ZDHHC23: variants seen among roughly 807,000 people sequenced by gnomAD.
The protein encoded by ZDHHC23 is zDHHC palmitoyltransferase 23, also known as palmitoyltransferase ZDHHC23.
ZDHHC23 carries 41 observed loss-of-function variants against 40.2 expected under a neutral mutation model. The observed-to-expected ratio is 1.02, with a 90% CI of 0.79 to 1.32. ZDHHC23 has a LOEUF of 1.32. ZDHHC23 is among the 40% of genes most tolerant of loss of function. ZDHHC23 has a pLI of 0.00. For missense variants in ZDHHC23, 471 were observed against 541.5 expected, an observed-to-expected ratio of 0.87 and a Z score of 1.29; for synonymous variants, 204 against 210.2, an observed-to-expected ratio of 0.97 and a Z score of 0.26.
chr3:113,971,720 G>GTT, the ZDHHC23 span, among the ~76,000 whole-genome samples: 1 of 151,106 alleles, frequency 6.6e-6, no homozygotes, highest in African/African-American at 2.4e-5. Context: ...CTCCTCTTCA[G>GTT]TTTTTTTTTG....
At position 113,960,561 on chromosome 3, in the gene ZDHHC23, T is replaced by C; in HGVS notation, c.*1931T>C. The C allele has an allele frequency of 6.8e-7, 1 of 1,464,420 alleles. No homozygotes were observed. The highest frequency in any genetic ancestry group is 9.0e-7 in the Non-Finnish European group (1 of 1,115,138). 90.7% of individuals were successfully genotyped at this position (1,464,420 alleles called of 1,614,324 possible). A position where few individuals can be genotyped will look rare whatever the true frequency, so the allele number is the denominator to read the frequency against. On this transcript the variant is annotated 3_prime_UTR_variant, in exon 5 of 5. Transcript: ENST00000638807. ...ATTATCTAGCCATTGATCATACAAA[T>C]TGATAGAAACATTAGTCAGTAATTT... is the stretch of plus-strand genomic sequence containing the variant.
chr3:113,960,645 T>G lies in ZDHHC23; in HGVS notation c.*2015T>G. 1 of 1,599,190 alleles carries G rather than the reference T, an allele frequency of 6.3e-7. No individual in the cohort carries two copies. Among genetic ancestry groups the G allele is most frequent in the Non-Finnish European group, 8.5e-7 (1 of 1,175,488 alleles). ...TGTAATGTGATGTGATGAAGATAAG[T>G]AGTACAAAGAGACCAAAATAATTTG... On this transcript the variant is annotated 3_prime_UTR_variant, in exon 5 of 5. Transcript: ENST00000638807.
chr3:113,970,963 A>G, the ZDHHC23 span, among the ~76,000 whole-genome samples: 6 of 152,132 alleles, frequency 3.9e-5, no homozygotes, highest in African/African-American at 9.7e-5. Context: ...AATCCAGTCT[A>G]TCATTGTTGG....
upstream of ZDHHC23, chr3:113,947,929 G>C (rs1938237110): frequency 6.8e-6 from 1 of 147,558 alleles, no homozygotes; most frequent in African/African-American, 2.5e-5. Flanking sequence ...CGTGGACCTG[G>C]CGCACCGAGC....
the ZDHHC23 span, among the ~76,000 whole-genome samples, chr3:113,977,881 C>T: frequency 6.6e-6 from 1 of 152,174 alleles, no homozygotes; most frequent in African/African-American, 2.4e-5. Context: ...ATTTGACTAA[C>T]AAAGAATACA....
the ZDHHC23 span, among the ~76,000 whole-genome samples, chr3:113,977,513 A>G: frequency 2.0e-5 from 3 of 147,348 alleles, no homozygotes; most frequent in Non-Finnish European, 3.1e-5. Flanking sequence ...AGACAACTGG[A>G]TTAAATAAAA....
rs774620216 is a variant in ZDHHC23, at chr3:113,953,776, C to T, written c.238C>T (p.Pro80Ser). The T allele has an allele frequency of 6.2e-7, 1 of 1,614,214 alleles. No individual in the cohort carries two copies. Among genetic ancestry groups the T allele is most frequent in the East Asian group, 2.2e-5 (1 of 44,880 alleles). ...TACAATTTCTGATCGCCTCCGAATT[C>T]CTTGGCTTAGGGGAGCCAAAAAAGT... Reference protein sequence around the residue: ...MDTISDRLRIPWLRGAKKVNI... With the variant: ...MDTISDRLRISWLRGAKKVNI... The change falls in exon 3 of 5, where the codon CCT becomes TCT. Residue 80 changes from proline (P) to serine (S), a missense_variant. Pro to Ser is a moderately conservative substitution (Grantham distance 74). This residue lies in a region of ZDHHC23 where 42 missense variants were observed against 73.9 expected (regional missense o/e 0.57). Transcript: ENST00000638807.
At chr3:113,963,934 GTTT>G (rs67934523), downstream of ZDHHC23, among the ~76,000 whole-genome samples, 1 of 145,140 alleles carries the variant, frequency 6.9e-6, no homozygotes, top group African/African-American at 2.6e-5. Context: ...AAAAACACAG[GTTT>G]TTTTTTTTTT....
downstream of ZDHHC23, among the ~76,000 whole-genome samples, chr3:113,963,797 G>A (rs944447206): frequency 2.6e-5 from 4 of 151,888 alleles, no homozygotes; most frequent in African/African-American, 9.7e-5. Context: ...TTCATTTCCG[G>A]GTGCTAATAT....
chr3:113,957,213 C>T (rs549936502), intron 4 of ZDHHC23, among the ~76,000 whole-genome samples: 126 of 152,326 alleles, frequency 8.3e-4, no homozygotes, highest in African/African-American at 2.9e-3. Flanking sequence ...CTTCATCATC[C>T]TCTCTGACAT....
rs367871111 is a variant in ZDHHC23 at position 113,960,729 on chromosome 3, G to C, written c.*2099G>C. ...AACTTACCTCTAATAGGGTTACTTG[G>C]ATGAGCCAACTCCGCTTCCTTCCCA... On this transcript the variant is annotated 3_prime_UTR_variant, in exon 5 of 5. Transcript: ENST00000638807. 1.3e-6 allele frequency: 2 copies of C among 1,586,032 alleles called. No homozygotes were observed. Among genetic ancestry groups the C allele is most frequent in the Non-Finnish European group, 8.5e-7 (1 of 1,169,898 alleles).
chr3:113,959,880 A>G lies in ZDHHC23; in HGVS notation c.*1250A>G. On this transcript the variant is annotated 3_prime_UTR_variant, in exon 5 of 5. Transcript: ENST00000638807. ...CTTCCCTGGCTCTTCCGACAATAAC[A>G]AGTTGTTTCTTTAATCATATCTTAA... 18 of 999,444 alleles carry G rather than the reference A, an allele frequency of 1.8e-5. No homozygotes were observed. Among genetic ancestry groups the G allele is most frequent in the Non-Finnish European group, 2.0e-5 (17 of 836,446 alleles). 61.9% of individuals were successfully genotyped at this position (999,444 alleles called of 1,614,324 possible). A position where few individuals can be genotyped will look rare whatever the true frequency, so the allele number is the denominator to read the frequency against.
chr3:113,965,445 ATTC>A (rs1940024826), downstream of ZDHHC23: 1 of 683,412 alleles, frequency 1.5e-6, no homozygotes, highest in South Asian at 2.3e-5. Context: ...TATAAAAATA[ATTC>A]TTATGTTAAT....
At chr3:113,954,868 C>T (rs76874980) in intron 3 of ZDHHC23, among the ~76,000 whole-genome samples, 5,017 of 152,148 alleles carry the variant, frequency 0.033, 290 homozygotes, top group African/African-American at 0.11. Context: ...TTGATGCTAC[C>T]GATGATTTCC....
In ZDHHC23 at chr3:113,956,322, C is replaced by T. The variant is rs761982056; in HGVS notation, c.873-17C>T. 7.5e-6 allele frequency: 12 copies of T among 1,605,214 alleles called. No individual in the cohort carries two copies. Among genetic ancestry groups the T allele is most frequent in the Non-Finnish European group, 1.0e-5 (12 of 1,177,342 alleles). ...TAAAAATGTGTTTGCTTTTTTATTTCTCTATGCTGTTTTGAGGATAAATAG... is the reference window on the plus strand; with the variant it reads ...TAAAAATGTGTTTGCTTTTTTATTTTTCTATGCTGTTTTGAGGATAAATAG... On this transcript the variant is annotated splice_polypyrimidine_tract_variant and intron_variant, in intron 3 of 4. Coordinates refer to ENST00000638807, the MANE Select transcript of ZDHHC23 (RefSeq NM_001320466.2).
chr3:113,957,945 T>C (rs924119805), intron 4 of ZDHHC23: 2 of 406,208 alleles, frequency 4.9e-6, no homozygotes, highest in Non-Finnish European at 9.6e-6. Context: ...ACTTTAGCAC[T>C]GTTCCTCGGC....
intron 3 of ZDHHC23, 111 bp from the exon 4 acceptor site, chr3:113,956,228 C>T: frequency 8.2e-7 from 1 of 1,226,148 alleles, no homozygotes; most frequent in Non-Finnish European, 1.1e-6. Context: ...GCCTGAACTA[C>T]AGAGCAAGAC....
Position 113,960,478 on chromosome 3 carries a change from C to A in ZDHHC23, c.*1848C>A. On this transcript the variant is annotated 3_prime_UTR_variant, in exon 5 of 5. Transcript: ENST00000638807. ...AGACAGTAATAATGTCAAGGATAGC[C>A]TGTGTGGGCAGAAATTGGTAGTCGT... The A allele has an allele frequency of 7.2e-7, 1 of 1,394,792 alleles. No individual in the cohort carries two copies. The highest frequency in any genetic ancestry group is 3.4e-5 in the Admixed American group (1 of 29,316). The allele number at this position is 1,394,792 out of a possible 1,614,324, so 86.4% of individuals were successfully genotyped here.
chr3:113,957,894 T>G (rs1476792449), intron 4 of ZDHHC23: 2 of 502,012 alleles, frequency 4.0e-6, no homozygotes, highest in South Asian at 2.9e-5. Flanking sequence ...CCATCGTCTT[T>G]TCATTCCTCA....
Sources: allele counts gnomAD v4.1 joint callset (sites outside exome capture counted in the v4.1 genomes callset), GRCh38; gene constraint gnomAD v4.1.1; regional missense constraint gnomAD v4.1.1; transcripts MANE v1.5; gene names NCBI Gene and HGNC (gene_info 2026-07-23, HGNC 2026-07-21).